The following ETFA variants were observed in gnomAD, a reference collection of about 807,000 sequenced individuals.
ETFA encodes electron transfer flavoprotein subunit alpha.
In ETFA, 22 loss-of-function variants were observed where a neutral mutation model predicts 46.2. The ratio of observed to expected loss-of-function variants is 0.48; its 90% CI spans 0.34 to 0.68. ETFA has a LOEUF of 0.68. Ranked by LOEUF, ETFA falls within the 30% of genes least tolerant of loss-of-function variation. The pLI is 0.01. For missense variants in ETFA, 345 were observed against 401.1 expected, an observed-to-expected ratio of 0.86 and a Z score of 1.19; for synonymous variants, 131 against 139.9, an observed-to-expected ratio of 0.94 and a Z score of 0.45.
rs1393223308 is a variant in ETFA, at chr15:76,261,845, A to G, written c.816+12567T>C. 6.6e-5 allele frequency among the ~76,000 whole-genome samples: 10 copies of G among 152,334 alleles called. No homozygotes were observed. The East Asian group carries it at 1.7e-3, about 26-fold the overall frequency. On this transcript the variant is annotated intron_variant, in intron 9 of 11. Coordinates refer to ENST00000557943, the MANE Select transcript of ETFA (RefSeq NM_000126.4). ...CTAAATGAACAATGCATAATATTAT[A>G]AAGTGGTAAAATATTCACTCAGGCC...
At chr15:76,241,075 A>C (rs2039180758) in intron 9 of ETFA, among the ~76,000 whole-genome samples, 1 of 152,162 alleles carries the variant, frequency 6.6e-6, no homozygotes, top group African/African-American at 2.4e-5. Context: ...AGCCAAGTAT[A>C]TTATTATATA....
intron 9 of ETFA, among the ~76,000 whole-genome samples, chr15:76,266,857 T>C (rs781446514): frequency 6.6e-6 from 1 of 151,222 alleles, no homozygotes. Flanking sequence ...TGAGCTGAGA[T>C]CACGCCACTG....
intron 9 of ETFA, chr15:76,245,217 G>A (rs1184567131): frequency 6.6e-5 from 10 of 152,156 alleles, no homozygotes; most frequent in Non-Finnish European, 1.5e-5. Flanking sequence ...TTTTTCTGGA[G>A]TACAGGTCCA....
intron 8 of ETFA, among the ~76,000 whole-genome samples, chr15:76,283,047 C>A (rs1423360821): frequency 6.6e-6 from 1 of 152,022 alleles, no homozygotes; most frequent in Admixed American, 6.6e-5. Context: ...TGGTTAACTA[C>A]AATTCTATAT....
rs1452094159 is a variant in ETFA, at chr15:76,283,840, T to C, written c.665-15A>G. ...CAAGCCTCGACCTCATTTAAAAAGA[T>C]GAAAAAAAAAAATTAGGCAAACATC... On this transcript the variant is annotated splice_polypyrimidine_tract_variant and intron_variant, in intron 7 of 11. Transcript: ENST00000557943. 2 of 1,590,082 alleles carry C rather than the reference T, an allele frequency of 1.3e-6. No individual in the cohort carries two copies. The highest frequency in any genetic ancestry group is 1.1e-5 in the South Asian group (1 of 88,708).
At chr15:76,261,508 C>CTGAGCT (rs2039412988) in intron 9 of ETFA, 1 of 729,294 alleles carries the variant, frequency 1.4e-6, no homozygotes, top group South Asian at 1.8e-5. Context: ...CATGCTGCAG[C>CTGAGCT]TGAGCTTTAC....
chr15:76,268,884 T>C (rs1289431560), intron 9 of ETFA, among the ~76,000 whole-genome samples: 1 of 152,132 alleles, frequency 6.6e-6, no homozygotes, highest in East Asian at 1.9e-4. Flanking sequence ...GGATTCAAAG[T>C]TGTGTTATGT....
chr15:76,301,124 A>C (rs1210384761), intron 1 of ETFA, among the ~76,000 whole-genome samples: 1 of 152,206 alleles, frequency 6.6e-6, no homozygotes, highest in Admixed American at 6.5e-5. Context: ...ATAAATGTAA[A>C]GCTCTTAGAA....
chr15:76,285,741 G>T lies in ETFA; in HGVS notation c.563-3C>A. On this transcript the variant is annotated splice_polypyrimidine_tract_variant and splice_region_variant and intron_variant, in intron 6 of 11. Coordinates refer to ENST00000557943, the MANE Select transcript of ETFA (RefSeq NM_000126.4). ...TTCCACTGGTGAAGTACTTGATGCT[G>T]CATACATTAATACATAATAAAACAA... 6.6e-7 allele frequency: 1 copy of T among 1,521,154 alleles called. No homozygotes were observed. The highest frequency in any genetic ancestry group is 2.3e-5 in the East Asian group (1 of 44,408). 94.2% of individuals were successfully genotyped at this position (1,521,154 alleles called of 1,614,324 possible).
chr15:76,248,030 G>A (rs866290769), intron 9 of ETFA, among the ~76,000 whole-genome samples: 1 of 152,094 alleles, frequency 6.6e-6, no homozygotes, highest in Non-Finnish European at 1.5e-5. Flanking sequence ...CTACATTTCC[G>A]ATCAATATTT....
intron 9 of ETFA, among the ~76,000 whole-genome samples, chr15:76,245,839 A>T (rs896203400): frequency 6.6e-6 from 1 of 152,246 alleles, no homozygotes; most frequent in African/African-American, 2.4e-5. Context: ...AAGGCAATCT[A>T]GAAATAAGTA....
In ETFA at chr15:76,261,110, G is replaced by T. The variant is rs1271877659; in HGVS notation, c.816+13302C>A. 4 of 834,546 alleles carry T rather than the reference G, an allele frequency of 4.8e-6. No homozygotes were observed. The East Asian group carries it at 7.1e-5, about 15-fold the overall frequency. 51.7% of individuals were successfully genotyped at this position (834,546 alleles called of 1,614,324 possible). A position where few individuals can be genotyped will look rare whatever the true frequency, so the allele number is the denominator to read the frequency against. ...GGCTGTGAACTTCACAGGAAAACAT[G>T]GGTGCTCTGGGTCACCCCTGTTACA... On this transcript the variant is annotated intron_variant, in intron 9 of 11. Transcript: ENST00000557943.
chr15:76,287,809 T>G, intron 5 of ETFA, 37 bp downstream of exon 5: 1 of 1,356,742 alleles, frequency 7.4e-7, no homozygotes, highest in Non-Finnish European at 1.1e-6. Context: ...TCACTAAAAT[T>G]TAACATGTTG....
At chr15:76,295,794 T>G (rs2039813116) in intron 1 of ETFA, 57 bp from the exon 2 acceptor site, 8 of 1,473,740 alleles carry the variant, frequency 5.4e-6, no homozygotes, top group Non-Finnish European at 7.4e-6. Context: ...GGGTTTTTTT[T>G]TTTTTTTTTA....
At chr15:76,289,561 G>A (rs920035525) in intron 4 of ETFA, among the ~76,000 whole-genome samples, 6 of 152,016 alleles carry the variant, frequency 3.9e-5, no homozygotes, top group African/African-American at 1.5e-4. Flanking sequence ...TCATGAGGGT[G>A]GATGGTACAC....
Position 76,292,473 on chromosome 15 carries a change from G to C in ETFA, c.309C>G (p.Phe103Leu), listed in dbSNP as rs2039775151. The change falls in exon 4 of 12, where the codon TTC becomes TTG. Residue 103 changes from phenylalanine to leucine, a missense_variant. Phe to Leu is a conservative substitution (Grantham distance 22). Transcript: ENST00000557943. ...CTCCAGCACAGATGTGTGTGTAATT[G>C]AACTGCTTCTGAGTTGCCAAAATCA... is the stretch of plus-strand genomic sequence containing the variant. Reference protein sequence around the residue: ...TPLILATQKQFNYTHICAGAS... With the variant: ...TPLILATQKQLNYTHICAGAS... 1 of 1,613,760 alleles carries C rather than the reference G, an allele frequency of 6.2e-7. No individual in the cohort carries two copies.
At chr15:76,258,035 GGGGAGGGT>G in intron 9 of ETFA, among the ~76,000 whole-genome samples, 1 of 121,938 alleles carries the variant, frequency 8.2e-6, no homozygotes, top group African/African-American at 3.1e-5. Flanking sequence ...GGGGGGAGGG[GGGGAGGGT>G]TAGCATTAGG....
chr15:76,286,588 G>A, intron 5 of ETFA, 107 bp from the exon 6 acceptor site: 1 of 746,350 alleles, frequency 1.3e-6, no homozygotes. Context: ...AATAACTATT[G>A]ACCAGTTGTC....
rs1394409603 is a variant in ETFA, at chr15:76,243,400, T to A, written c.817-12002A>T. Reference sequence around the variant, plus strand: ...AATTTCCCATGTTTAAAAAACTTCATTCTAGAATCTTGTGGTAATTATTAA... The same window carrying A: ...AATTTCCCATGTTTAAAAAACTTCAATCTAGAATCTTGTGGTAATTATTAA... On this transcript the variant is annotated intron_variant, in intron 9 of 11. Coordinates refer to ENST00000557943, the MANE Select transcript of ETFA (RefSeq NM_000126.4). Among the ~76,000 whole-genome samples, 7 of 152,208 alleles carry A rather than the reference T, an allele frequency of 4.6e-5. No homozygotes were observed. The East Asian group carries it at 1.3e-3, about 29-fold the overall frequency.
Sources: allele counts gnomAD v4.1 joint callset (sites outside exome capture counted in the v4.1 genomes callset), GRCh38; gene constraint gnomAD v4.1.1; transcripts MANE v1.5; gene names NCBI Gene and HGNC (gene_info 2026-07-23, HGNC 2026-07-21).